The following TTC7A variants were observed in gnomAD, a reference collection of about 807,000 sequenced individuals.
TTC7A encodes tetratricopeptide repeat protein 7A.
A neutral mutation model predicts 103.7 loss-of-function variants in TTC7A; 110 were observed. That is an observed-to-expected ratio of 1.06 (90% confidence interval 0.91 to 1.24). The LOEUF (loss-of-function observed/expected upper bound fraction) is 1.24, where lower values mean the gene tolerates loss of function less well. TTC7A is among the 50% of genes most tolerant of loss of function. The pLI is 0.00. For synonymous variants in TTC7A, 521 were observed against 467.9 expected (o/e 1.11, Z -1.47); for missense variants, 1,340 against 1,116.3 (o/e 1.20, Z -2.86).
intron 18 of TTC7A, among the ~76,000 whole-genome samples, chr2:47,054,483 G>A (rs1366682236): frequency 6.6e-6 from 1 of 152,144 alleles, no homozygotes; most frequent in Non-Finnish European, 1.5e-5. Flanking sequence ...TTATTTGACT[G>A]CCCCTAACTG....
At chr2:47,000,733 T>C (rs1194762590) in intron 8 of TTC7A, among the ~76,000 whole-genome samples, 2 of 152,078 alleles carry the variant, frequency 1.3e-5, no homozygotes, top group Non-Finnish European at 2.9e-5. Context: ...TTGCGGGGGC[T>C]GAGGGTGGCA....
chr2:47,051,366 TTATTTTA>T (rs951667613), intron 17 of TTC7A, among the ~76,000 whole-genome samples: 1 of 152,256 alleles, frequency 6.6e-6, no homozygotes, highest in Non-Finnish European at 1.5e-5. Context: ...TTGTATTTTG[TTATTTTA>T]ATGATCGCAG....
chr2:47,053,736 T>C (rs1683093700), intron 18 of TTC7A, among the ~76,000 whole-genome samples: 1 of 152,112 alleles, frequency 6.6e-6, no homozygotes, highest in South Asian at 2.1e-4. Flanking sequence ...CGTGCCCGGC[T>C]AATTTTTTTT....
chr2:46,989,588 G>C (rs1224948846), intron 5 of TTC7A, among the ~76,000 whole-genome samples: 1 of 150,800 alleles, frequency 6.6e-6, no homozygotes, highest in South Asian at 2.1e-4. Context: ...ATCTCTCCCT[G>C]TACAGCCCTG....
chr2:47,031,495 G>A (rs1247789550), intron 15 of TTC7A, among the ~76,000 whole-genome samples: 3 of 152,132 alleles, frequency 2.0e-5, no homozygotes, highest in Admixed American at 6.5e-5. Context: ...CAAGCAGAAA[G>A]ATTTAGAATC....
chr2:47,004,590 G>A (rs1414621935), intron 8 of TTC7A, among the ~76,000 whole-genome samples: 3 of 152,112 alleles, frequency 2.0e-5, no homozygotes, highest in Non-Finnish European at 4.4e-5. Flanking sequence ...GCAGAGGAGG[G>A]CAAGTACTAT....
intron 3 of TTC7A, among the ~76,000 whole-genome samples, chr2:46,967,593 C>T (rs1672973332): frequency 6.6e-6 from 1 of 152,162 alleles, no homozygotes; most frequent in Non-Finnish European, 1.5e-5. Flanking sequence ...AATTTCCTTC[C>T]TTCTGAAGGC....
At chr2:47,051,379 C>T (rs962281614) in intron 17 of TTC7A, among the ~76,000 whole-genome samples, 7 of 152,150 alleles carry the variant, frequency 4.6e-5, no homozygotes, top group Admixed American at 6.5e-5. Context: ...TTTTAATGAT[C>T]GCAGAGTCTG....
chr2:46,973,365 G>A (rs543208469), intron 3 of TTC7A, among the ~76,000 whole-genome samples: 31 of 152,230 alleles, frequency 2.0e-4, no homozygotes, highest in Non-Finnish European at 3.1e-4. Flanking sequence ...AAGTAGAGTG[G>A]CAGAAGAGGA....
Position 47,069,968 on chromosome 2 carries a change from AATAACTTCT to A in TTC7A, c.2356-3729_2356-3721del, listed in dbSNP as rs549835309. Among the ~76,000 whole-genome samples the A allele has an allele frequency of 4.6e-5, 7 of 152,324 alleles. No homozygotes were observed. In the East Asian group the frequency reaches 9.7e-4, roughly 21 times the overall value. On this transcript the variant is annotated intron_variant, in intron 19 of 19. Transcript: ENST00000319190. ...CTGAGCTCAGAAAGAAAATTCCCAA[AATAACTTCT>A]ATAAATACTTGAGGGCAGGGGTGGG...
At chr2:46,927,892 T>TG in intron 2 of TTC7A, among the ~76,000 whole-genome samples, 1 of 127,306 alleles carries the variant, frequency 7.9e-6, no homozygotes, top group East Asian at 2.1e-4. Flanking sequence ...GTGTTTTTTT[T>TG]TTTTTTTTTT....
chr2:46,970,082 C>G (rs949717354), intron 3 of TTC7A, among the ~76,000 whole-genome samples: 1 of 152,064 alleles, frequency 6.6e-6, no homozygotes, highest in Non-Finnish European at 1.5e-5. Flanking sequence ...CTCCACCTCC[C>G]GGGCTCAAGC....
At chr2:46,992,738 T>G (rs970832067) in intron 5 of TTC7A, among the ~76,000 whole-genome samples, 1 of 152,240 alleles carries the variant, frequency 6.6e-6, no homozygotes. Context: ...AAGATCTATT[T>G]AGTGGGCTGC....
At chr2:47,005,197 C>T (rs866276989) in intron 8 of TTC7A, among the ~76,000 whole-genome samples, 5 of 151,884 alleles carry the variant, frequency 3.3e-5, no homozygotes, top group Non-Finnish European at 4.4e-5. Flanking sequence ...TGGAAGGAGC[C>T]AGGAGAGGGT....
At chr2:46,988,604 AT>A (rs1249497413) in intron 5 of TTC7A, among the ~76,000 whole-genome samples, 1 of 152,166 alleles carries the variant, frequency 6.6e-6, no homozygotes, top group Non-Finnish European at 1.5e-5. Context: ...TTCCCCAAAT[AT>A]TTTTTTAACA....
intron 2 of TTC7A, among the ~76,000 whole-genome samples, chr2:46,917,587 T>C (rs938625192): frequency 6.6e-6 from 1 of 152,238 alleles, no homozygotes; most frequent in South Asian, 2.1e-4. Context: ...GTGTCCTCAT[T>C]CTAGCCAGTG....
chr2:46,964,108 C>G (rs1672625231), intron 3 of TTC7A, among the ~76,000 whole-genome samples: 1 of 152,214 alleles, frequency 6.6e-6, no homozygotes, highest in Non-Finnish European at 1.5e-5. Context: ...ATCGCTCTCT[C>G]TGACTCCAGC....
At chr2:46,916,898 G>C (rs972231374) in intron 1 of TTC7A, among the ~76,000 whole-genome samples, 17 of 152,066 alleles carry the variant, frequency 1.1e-4, no homozygotes, top group Non-Finnish European at 2.1e-4. Flanking sequence ...CTCCCAAAGT[G>C]CTGGGATTAC....
chr2:46,928,459 TA>T (rs35897582), intron 2 of TTC7A, among the ~76,000 whole-genome samples: 12,235 of 81,888 alleles, frequency 0.15, 698 homozygotes, highest in Middle Eastern at 0.25. Flanking sequence ...AAAGGGAAAT[TA>T]AAAAAAAAAA....
Sources: allele counts gnomAD v4.1 joint callset (sites outside exome capture counted in the v4.1 genomes callset), GRCh38; gene constraint gnomAD v4.1.1; transcripts MANE v1.5; gene names NCBI Gene and HGNC (gene_info 2026-07-23, HGNC 2026-07-21).